GSAP: variants seen among roughly 807,000 people sequenced by gnomAD.
GSAP encodes gamma-secretase activating protein, also known as gamma-secretase-activating protein.
Under a neutral mutation model 131.7 loss-of-function variants are expected in GSAP, and 118 were observed. The observed-to-expected ratio is 0.90, with a 90% CI of 0.77 to 1.04. The LOEUF is 1.04. Among genes scored for constraint, GSAP ranks in the 50% least tolerant of loss-of-function variants. The pLI, the probability that GSAP is intolerant of heterozygous loss-of-function variation, is 0.00. For missense variants in GSAP, 1,019 were observed against 1,013.2 expected (o/e 1.01, Z -0.08); for synonymous variants, 381 against 363.4 (o/e 1.05, Z -0.55).
intron 1 of GSAP, among the ~76,000 whole-genome samples, chr7:77,411,325 C>T (rs1190116634): frequency 6.6e-6 from 1 of 152,152 alleles, no homozygotes; most frequent in Non-Finnish European, 1.5e-5. Flanking sequence ...AAATCTACAT[C>T]CTTTCCAGTC....
chr7:77,334,631 C>T (rs2150713533), intron 19 of GSAP, among the ~76,000 whole-genome samples: 1 of 131,202 alleles, frequency 7.6e-6, no homozygotes, highest in Admixed American at 7.9e-5. Context: ...CACAGGAAAT[C>T]ACTGTCAATC....
At chr7:77,350,232 A>G (rs535202312) in intron 18 of GSAP, among the ~76,000 whole-genome samples, 1 of 128,656 alleles carries the variant, frequency 7.8e-6, no homozygotes, top group Admixed American at 9.4e-5. Flanking sequence ...ATGAGAACAC[A>G]CGGACACAGG....
rs56314229 is a variant in GSAP at position 77,377,400 on chromosome 7, C to CAAAAAAAAA, written c.577-19_577-11dup. On this transcript the variant is annotated splice_polypyrimidine_tract_variant and intron_variant, in intron 8 of 30. Transcript: ENST00000257626. ...CAGAATTTTTAATCACCTAAAAATG[C>CAAAAAAAAA]AAAAAAAAAAAAAAAAAAAAAAGTA... 8.7e-5 allele frequency: 103 copies of CAAAAAAAAA among 1,184,530 alleles called. No homozygotes were observed. The highest frequency in any genetic ancestry group is 8.1e-4 in the East Asian group (22 of 27,196). The allele number at this position is 1,184,530 out of a possible 1,614,324, so 73.4% of individuals were successfully genotyped here.
At chr7:77,392,897 G>A (rs765974717) in intron 5 of GSAP, among the ~76,000 whole-genome samples, 33 of 152,098 alleles carry the variant, frequency 2.2e-4, no homozygotes, top group Non-Finnish European at 3.2e-4. Context: ...GACCCATATG[G>A]TCACCCCAAT....
At chr7:77,333,612 T>C (rs560519717) in intron 19 of GSAP, among the ~76,000 whole-genome samples, 8 of 152,338 alleles carry the variant, frequency 5.3e-5, no homozygotes, top group African/African-American at 1.7e-4. Context: ...ACTCAGTCTA[T>C]ACACCTCTGG....
intron 12 of GSAP, among the ~76,000 whole-genome samples, chr7:77,372,064 A>G (rs1796205648): frequency 6.6e-6 from 1 of 152,226 alleles, no homozygotes; most frequent in Admixed American, 6.5e-5. Flanking sequence ...CCTGTGAAGT[A>G]CTCTCACTAA....
intron 20 of GSAP, 97 bp downstream of exon 20, chr7:77,330,142 G>C: frequency 7.2e-7 from 1 of 1,394,918 alleles, no homozygotes; most frequent in Non-Finnish European, 9.6e-7. Context: ...TGGGAAGAGT[G>C]CTGCACATGG....
At chr7:77,395,711 G>A (rs886477857) in intron 5 of GSAP, among the ~76,000 whole-genome samples, 15 of 152,160 alleles carry the variant, frequency 9.9e-5, no homozygotes, top group African/African-American at 3.4e-4. Context: ...AGGCTCTGGG[G>A]AAATGTGTGT....
intron 26 of GSAP, among the ~76,000 whole-genome samples, chr7:77,317,304 C>T (rs1786967272): frequency 7.1e-6 from 1 of 140,762 alleles, no homozygotes; most frequent in East Asian, 2.2e-4. Flanking sequence ...CATTCTCACT[C>T]ATAGGTGGGA....
chr7:77,336,492 T>C (rs1374669585), intron 19 of GSAP, among the ~76,000 whole-genome samples: 2 of 151,370 alleles, frequency 1.3e-5, no homozygotes, highest in Non-Finnish European at 2.9e-5. Context: ...TTTTTTTTTG[T>C]TTTTGTTTTT....
At chr7:77,385,985 A>G (rs1798509340) in intron 6 of GSAP, among the ~76,000 whole-genome samples, 1 of 152,224 alleles carries the variant, frequency 6.6e-6, no homozygotes, top group Non-Finnish European at 1.5e-5. Flanking sequence ...GTTCATTCAA[A>G]TTATTTGCAG....
chr7:77,388,662 AAAT>A (rs1197603967), intron 5 of GSAP, among the ~76,000 whole-genome samples: 1 of 152,236 alleles, frequency 6.6e-6, no homozygotes, highest in Non-Finnish European at 1.5e-5. Context: ...TCACTGTGAA[AAAT>A]AATATACAAA....
chr7:77,353,459 T>C (rs889383223), intron 17 of GSAP, 113 bp downstream of exon 17: 8 of 607,598 alleles, frequency 1.3e-5, no homozygotes, highest in African/African-American at 1.9e-5. Context: ...TTTTTTTTAA[T>C]GTGCTCCAAA....
intron 18 of GSAP, among the ~76,000 whole-genome samples, chr7:77,350,680 T>C (rs1352983942): frequency 1.3e-5 from 2 of 151,688 alleles, no homozygotes; most frequent in South Asian, 2.1e-4. Flanking sequence ...GAGATGGAGG[T>C]TGCAGTGAGC....
At chr7:77,312,639 T>C (rs187886455) in intron 28 of GSAP, among the ~76,000 whole-genome samples, 38 of 152,360 alleles carry the variant, frequency 2.5e-4, no homozygotes, top group Admixed American at 3.9e-4. Flanking sequence ...TATTCAGCAA[T>C]GTTTCCCAGA....
chr7:77,366,784 G>A (rs1795383502), intron 12 of GSAP, among the ~76,000 whole-genome samples: 1 of 152,110 alleles, frequency 6.6e-6, no homozygotes, highest in Non-Finnish European at 1.5e-5. Flanking sequence ...TAGTTTGATA[G>A]GAATAGCATT....
intron 25 of GSAP, 85 bp downstream of exon 25, chr7:77,321,245 GAAC>G (rs1400428883): frequency 3.7e-5 from 30 of 808,466 alleles, no homozygotes; most frequent in Non-Finnish European, 6.5e-5. Flanking sequence ...GAACTGATTT[GAAC>G]TAGTGCATTT....
At chr7:77,339,014 A>T (rs1790479884) in intron 19 of GSAP, among the ~76,000 whole-genome samples, 1 of 152,112 alleles carries the variant, frequency 6.6e-6, no homozygotes, top group African/African-American at 2.4e-5. Context: ...AAATAGGGGT[A>T]CCTTGGTCCT....
intron 1 of GSAP, among the ~76,000 whole-genome samples, chr7:77,413,157 T>G (rs1310865220): frequency 6.6e-6 from 1 of 152,082 alleles, no homozygotes; most frequent in African/African-American, 2.4e-5. Flanking sequence ...TTAACACCCT[T>G]AAGAGGAAGG....
Sources: allele counts gnomAD v4.1 joint callset (sites outside exome capture counted in the v4.1 genomes callset), GRCh38; gene constraint gnomAD v4.1.1; transcripts MANE v1.5; gene names NCBI Gene and HGNC (gene_info 2026-07-23, HGNC 2026-07-21).